ZNF273: variants seen among roughly 807,000 people sequenced by gnomAD.
The protein encoded by ZNF273 is zinc finger protein 273.
A neutral mutation model predicts 14.9 loss-of-function variants in ZNF273; 11 were observed. That is an observed-to-expected ratio of 0.74 (90% CI 0.46 to 1.22). ZNF273 has a LOEUF of 1.22. Ranked by LOEUF, ZNF273 falls within the 50% of genes most tolerant of loss-of-function variation. ZNF273 has a pLI of 0.00. For missense variants in ZNF273, 577 were observed against 660.6 expected (o/e 0.87, Z 1.39); for synonymous variants, 199 against 223.9 (o/e 0.89, Z 0.99).
At chr7:64,914,198 T>G (rs1001588322) in intron 1 of ZNF273, among the ~76,000 whole-genome samples, 4 of 142,514 alleles carry the variant, frequency 2.8e-5, no homozygotes, top group East Asian at 2.0e-4. Flanking sequence ...TTTTTTTTTT[T>G]TTTTTTTTTT....
chr7:64,919,385 G>A (rs1158511418), intron 3 of ZNF273, among the ~76,000 whole-genome samples: 1 of 152,116 alleles, frequency 6.6e-6, no homozygotes, highest in African/African-American at 2.4e-5. Flanking sequence ...GCTCACGTCT[G>A]TAATCTCAGC....
In ZNF273 at chr7:64,927,724, A is replaced by G. The variant is rs780776944; in HGVS notation, c.396A>G (p.Ile132Met). Reference protein sequence around the residue: ...QGLKDSFQKVILRRYGKYGHE... With the variant: ...QGLKDSFQKVMLRRYGKYGHE... ...TAAAAGATTCTTTTCAAAAAGTGAT[A>G]CTGAGAAGATATGGAAAATATGGAC... Residue 132 changes from isoleucine to methionine, a missense_variant, in exon 4 of 4, where the codon ATA (isoleucine) becomes ATG (methionine). Physicochemically the swap from Ile to Met is conservative, Grantham distance 10. Transcript: ENST00000476120. 1 of 1,611,494 alleles carries G rather than the reference A, an allele frequency of 6.2e-7. No homozygotes were observed. Among genetic ancestry groups the G allele is most frequent in the Non-Finnish European group, 8.5e-7 (1 of 1,179,350 alleles).
chr7:64,892,551 T>C (rs1302983723), downstream of ZNF273, among the ~76,000 whole-genome samples: 1 of 152,170 alleles, frequency 6.6e-6, no homozygotes, highest in Non-Finnish European at 1.5e-5. Flanking sequence ...ATTTGTTGCC[T>C]AATGGTCATA....
chr7:64,886,335 A>G (rs1330044332), intron 1 of ZNF273, among the ~76,000 whole-genome samples: 1 of 152,192 alleles, frequency 6.6e-6, no homozygotes, highest in East Asian at 1.9e-4. Flanking sequence ...GGTGGGGTAG[A>G]CATGTCAGGA....
At chr7:64,924,822 G>T (rs1168598051) in intron 3 of ZNF273, among the ~76,000 whole-genome samples, 2 of 150,426 alleles carry the variant, frequency 1.3e-5, no homozygotes, top group African/African-American at 4.9e-5. Flanking sequence ...TTTTTTTAGG[G>T]GGAGTCTCAT....
chr7:64,911,038 T>G (rs187883086), intron 1 of ZNF273, among the ~76,000 whole-genome samples: 148 of 152,232 alleles, frequency 9.7e-4, no homozygotes, highest in African/African-American at 3.3e-3. Context: ...AGTGCTGGGA[T>G]TACAGGCGTG....
downstream of ZNF273, among the ~76,000 whole-genome samples, chr7:64,932,148 A>G (rs1210613485): frequency 6.6e-6 from 1 of 151,926 alleles, no homozygotes; most frequent in Non-Finnish European, 1.5e-5. Context: ...TATAACTGTC[A>G]GATTGTTAAG....
chr7:64,900,705 A>G (rs1366192929), upstream of ZNF273, among the ~76,000 whole-genome samples: 1 of 152,238 alleles, frequency 6.6e-6, no homozygotes, highest in African/African-American at 2.4e-5. Context: ...TGCAAATAGC[A>G]CAACTAGTCC....
downstream of ZNF273, among the ~76,000 whole-genome samples, chr7:64,932,496 G>T (rs1329244707): frequency 1.3e-5 from 2 of 151,862 alleles, no homozygotes; most frequent in African/African-American, 2.4e-5. Flanking sequence ...AGTAGACAGG[G>T]TTTCTCCATG....
chr7:64,889,055 G>T, downstream of ZNF273: 3 of 985,982 alleles, frequency 3.0e-6, no homozygotes, highest in Non-Finnish European at 3.6e-6. The surrounding 1 kb of genome is among the most constrained non-coding windows in gnomAD (Gnocchi z 4.2). Flanking sequence ...AGCGAAGAAC[G>T]TTTCTCCTAC....
At chr7:64,884,109 T>C (rs557193295), downstream of ZNF273, among the ~76,000 whole-genome samples, 5 of 152,360 alleles carry the variant, frequency 3.3e-5, no homozygotes, top group South Asian at 6.2e-4. Flanking sequence ...TTTCTCATTG[T>C]GGATTTCGTT....
At chr7:64,935,486 A>G (rs1033164405), downstream of ZNF273, among the ~76,000 whole-genome samples, 5 of 152,092 alleles carry the variant, frequency 3.3e-5, no homozygotes, top group African/African-American at 9.7e-5. Context: ...TTTATCATGT[A>G]TGTTGAATTT....
intron 3 of ZNF273, among the ~76,000 whole-genome samples, chr7:64,922,921 G>T (rs925921664): frequency 1.1e-4 from 16 of 151,842 alleles, no homozygotes; most frequent in African/African-American, 3.9e-4. Context: ...AGCCAAGATG[G>T]TGCTGCTGCA....
At chr7:64,908,371 G>A (rs1323078910) in intron 1 of ZNF273, among the ~76,000 whole-genome samples, 2 of 152,182 alleles carry the variant, frequency 1.3e-5, no homozygotes, top group African/African-American at 4.8e-5. Context: ...GCACCAAATA[G>A]GTACTTTTTC....
At chr7:64,893,934 C>T (rs1281195239), downstream of ZNF273, 1 of 152,058 alleles carries the variant, frequency 6.6e-6, no homozygotes, top group African/African-American at 2.4e-5. Flanking sequence ...AGTCATTTCT[C>T]ATGTTTTTAA....
chr7:64,929,763 T>C lies in ZNF273; in HGVS notation c.*725T>C, dbSNP rs967287776. On this transcript the variant is annotated 3_prime_UTR_variant, in exon 4 of 4. Transcript: ENST00000476120. The stretch of plus-strand genomic sequence containing the variant: ...GTATATTTACATTCAGAGTACACTT[T>C]TCTTTGGAAAAAATTACAGGTTTTT... 14 of 152,228 alleles carry C rather than the reference T, an allele frequency of 9.2e-5. No individual in the cohort carries two copies. The highest frequency in any genetic ancestry group is 3.1e-4 in the African/African-American group (13 of 41,446). The allele number at this position is 152,228 out of a possible 1,614,324, so 9.4% of individuals were successfully genotyped here. A position where few individuals can be genotyped will look rare whatever the true frequency, so the allele number is the denominator to read the frequency against.
intron 1 of ZNF273, among the ~76,000 whole-genome samples, chr7:64,916,053 G>A (rs796822063): frequency 2.0e-5 from 3 of 151,686 alleles, no homozygotes; most frequent in African/African-American, 7.3e-5. Context: ...AAAATTAGCT[G>A]GGTGTGGTGG....
rs1352972772 is a variant in ZNF273 at position 64,911,482 on chromosome 7, C to T, written c.103-6099C>T. Reference sequence around the variant, plus strand: ...TTCTCCATGTTGGTCAGGCTGGTTTCGAACTCCCGACCTGAGGTGATCCAC... The same window carrying T: ...TTCTCCATGTTGGTCAGGCTGGTTTTGAACTCCCGACCTGAGGTGATCCAC... On this transcript the variant is annotated intron_variant, in intron 1 of 3. Coordinates refer to ENST00000476120, the MANE Select transcript of ZNF273 (RefSeq NM_021148.3). Among the ~76,000 whole-genome samples the T allele has an allele frequency of 4.6e-5, 7 of 151,900 alleles. No homozygotes were observed. In the East Asian group the frequency reaches 5.8e-4, roughly 13 times the overall value.
intron 1 of ZNF273, 33 bp downstream of exon 1, chr7:64,903,452 G>T: frequency 6.3e-7 from 1 of 1,583,904 alleles, no homozygotes; most frequent in East Asian, 2.2e-5. Context: ...CCCGAGAGAG[G>T]GGGAGGGCCT....
Sources: allele counts gnomAD v4.1 joint callset (sites outside exome capture counted in the v4.1 genomes callset), GRCh38; gene constraint gnomAD v4.1.1; non-coding constraint Gnocchi (gnomAD v3.1); transcripts MANE v1.5; gene names NCBI Gene and HGNC (gene_info 2026-07-23, HGNC 2026-07-21).